Variants in KIFBP observed in about 807,000 individuals in gnomAD.
KIFBP encodes the protein kinesin family binding protein.
KIFBP carries 46 observed loss-of-function variants against 58.9 expected under a neutral mutation model. The observed-to-expected ratio is 0.78, with a 90% CI of 0.62 to 1.00. The LOEUF is 1.00. KIFBP is among the 50% of genes least tolerant of loss of function. The pLI is 0.00. For synonymous variants in KIFBP, 241 were observed against 283.4 expected (o/e 0.85, Z 1.50); for missense variants, 651 against 752.9 (o/e 0.86, Z 1.58).
At chr10:68,993,446 T>C (rs1262514594) in intron 1 of KIFBP, among the ~76,000 whole-genome samples, 2 of 152,186 alleles carry the variant, frequency 1.3e-5, no homozygotes, top group Non-Finnish European at 2.9e-5. Context: ...TTAGGTATTA[T>C]TCCTTTTAAA....
chr10:69,013,279 A>G (rs1291787162), intron 6 of KIFBP, among the ~76,000 whole-genome samples: 1 of 152,228 alleles, frequency 6.6e-6, no homozygotes, highest in Non-Finnish European at 1.5e-5. Flanking sequence ...AAAACCAAAC[A>G]AACAAACCTC....
chr10:68,991,902 G>A (rs565116087), intron 1 of KIFBP, among the ~76,000 whole-genome samples: 2 of 151,080 alleles, frequency 1.3e-5, no homozygotes, highest in East Asian at 3.9e-4. Context: ...GGTAAACCAA[G>A]TAAACTTTTT....
intron 4 of KIFBP, among the ~76,000 whole-genome samples, chr10:69,008,391 A>AAAATATATATAT: frequency 5.0e-4 from 36 of 71,590 alleles, no homozygotes; most frequent in Admixed American, 1.3e-3. Context: ...AAAAAAAAAA[A>AAAATATATATAT]ATATATATAT....
chr10:69,001,355 G>C (rs776052908), intron 2 of KIFBP, among the ~76,000 whole-genome samples: 14 of 152,112 alleles, frequency 9.2e-5, no homozygotes, highest in Non-Finnish European at 1.6e-4. Flanking sequence ...AAGCCACTGT[G>C]TTACCATCTG....
In KIFBP at chr10:69,016,129, C is replaced by G; in HGVS notation, c.1579C>G (p.Pro527Ala). ...GCTCTTCTTAGACTCCCTGAGAGAC[C>G]CAAATAAAGTATTCCCTGAGCATAT... is the stretch of plus-strand genomic sequence containing the variant. ...YQLFLDSLRD[P>A]NKVFPEHIGE... The change falls in exon 7 of 7, where the codon CCA (proline) becomes GCA (alanine). Residue 527 changes from proline to alanine, a missense_variant. By Grantham distance (27) the Pro-to-Ala change is conservative. Coordinates refer to ENST00000361983, the MANE Select transcript of KIFBP (RefSeq NM_015634.4). 1 of 1,614,110 alleles carries G rather than the reference C, an allele frequency of 6.2e-7. No individual in the cohort carries two copies. The highest frequency in any genetic ancestry group is 8.5e-7 in the Non-Finnish European group (1 of 1,180,024).
chr10:68,991,398 C>T, intron 1 of KIFBP: 1 of 342,522 alleles, frequency 2.9e-6, no homozygotes, highest in Non-Finnish European at 6.1e-6. Flanking sequence ...CTGGATATTG[C>T]AAGACAGAAT....
chr10:68,989,251 A>G lies in KIFBP; in HGVS notation c.419A>G (p.Gln140Arg), dbSNP rs529028747. ...CACGACTGCATCTCTCTCTGCATCC[A>G]GGCGCAGGTGAGAGCGAGCCCGGCC... ...LSHDCISLCI[Q>R]AQNNLGILWS... Residue 140 changes from glutamine (Q) to arginine (R), a missense_variant, in exon 1 of 7, where the codon CAG becomes CGG. Coordinates refer to ENST00000361983, the MANE Select transcript of KIFBP (RefSeq NM_015634.4). The G allele has an allele frequency of 1.1e-5, 17 of 1,613,112 alleles. No individual in the cohort carries two copies. In the East Asian group the frequency reaches 3.6e-4, roughly 34 times the overall value.
chr10:68,998,428 C>T (rs1361500056), intron 1 of KIFBP, among the ~76,000 whole-genome samples: 3 of 150,146 alleles, frequency 2.0e-5, no homozygotes, highest in Non-Finnish European at 4.4e-5. Context: ...TTCTATTGTT[C>T]ACAAAGTCCC....
chr10:69,012,665 G>T (rs549401666), intron 6 of KIFBP, among the ~76,000 whole-genome samples: 6 of 152,202 alleles, frequency 3.9e-5, no homozygotes, highest in African/African-American at 1.4e-4. Context: ...GCCAAGGTGG[G>T]TGGATCACTT....
intron 1 of KIFBP, chr10:68,991,491 TA>T: frequency 2.5e-6 from 1 of 401,808 alleles, no homozygotes; most frequent in Non-Finnish European, 5.1e-6. Context: ...GTCTCCGAAC[TA>T]AGAAATGAAT....
At chr10:69,014,441 G>A (rs1426296253) in intron 6 of KIFBP, among the ~76,000 whole-genome samples, 1 of 152,180 alleles carries the variant, frequency 6.6e-6, no homozygotes, top group Non-Finnish European at 1.5e-5. Flanking sequence ...CAGAAGGGAT[G>A]GAGCAAAGGC....
chr10:69,010,826 T>G, intron 5 of KIFBP, 74 bp from the exon 6 acceptor site: 1 of 935,334 alleles, frequency 1.1e-6, no homozygotes, highest in South Asian at 1.4e-5. Flanking sequence ...AAAAGTGATA[T>G]TAAAAAAATT....
At position 68,989,257 on chromosome 10, in the gene KIFBP, A is replaced by G. The variant is rs1290898365; in HGVS notation, c.425A>G (p.Gln142Arg). Residue 142 changes from glutamine (Q) to arginine (R), a missense_variant and splice_region_variant, in exon 1 of 7, where the codon CAG (glutamine) becomes CGG (arginine). Physicochemically the swap from Gln to Arg is conservative, Grantham distance 43. Transcript: ENST00000361983. ...TGCATCTCTCTCTGCATCCAGGCGC[A>G]GGTGAGAGCGAGCCCGGCCAGGCCG... Reference protein sequence around the residue: ...HDCISLCIQAQNNLGILWSER... With the variant: ...HDCISLCIQARNNLGILWSER... 6.2e-7 allele frequency: 1 copy of G among 1,612,826 alleles called. No individual in the cohort carries two copies. Among genetic ancestry groups the G allele is most frequent in the Non-Finnish European group, 8.5e-7 (1 of 1,179,808 alleles).
Position 69,016,190 on chromosome 10 carries a change from A to G in KIFBP, c.1640A>G (p.Lys547Arg). The change falls in exon 7 of 7, where the codon AAG (lysine) becomes AGG (arginine). Residue 547 changes from lysine to arginine, a missense_variant. By Grantham distance (26) the Lys-to-Arg change is conservative. Transcript: ENST00000361983. ...EDVLRPAMLA[K>R]FRVARLYGKI... is the part of the protein sequence containing the mutation. ...GTTCTTCGCCCTGCCATGTTAGCTA[A>G]GTTTCGAGTTGCCCGTCTCTATGGC... 2 of 1,613,438 alleles carry G rather than the reference A, an allele frequency of 1.2e-6. No individual in the cohort carries two copies. The highest frequency in any genetic ancestry group is 8.5e-7 in the Non-Finnish European group (1 of 1,179,762).
chr10:69,003,124 T>C (rs191700381), intron 2 of KIFBP, among the ~76,000 whole-genome samples: 6 of 151,814 alleles, frequency 4.0e-5, no homozygotes, highest in Admixed American at 3.9e-4. Context: ...ATAACACATA[T>C]AGTGAAATTC....
At chr10:68,995,866 T>C (rs1483437119) in intron 1 of KIFBP, among the ~76,000 whole-genome samples, 2 of 152,186 alleles carry the variant, frequency 1.3e-5, no homozygotes, top group African/African-American at 4.8e-5. Context: ...TAAAGAATAA[T>C]TCACATAAAG....
chr10:68,991,788 A>T (rs1284442246), intron 1 of KIFBP: 1 of 153,334 alleles, frequency 6.5e-6, no homozygotes, highest in African/African-American at 2.4e-5. Context: ...TCTTTGACAG[A>T]GAATGAGTTG....
At chr10:68,997,830 G>C (rs2132109166) in intron 1 of KIFBP, among the ~76,000 whole-genome samples, 1 of 152,244 alleles carries the variant, frequency 6.6e-6, no homozygotes, top group Non-Finnish European at 1.5e-5. Context: ...AGGTAGTCTA[G>C]AGACTCACCT....
intron 1 of KIFBP, among the ~76,000 whole-genome samples, chr10:68,995,047 C>G (rs1225260752): frequency 6.6e-6 from 1 of 151,898 alleles, no homozygotes; most frequent in African/African-American, 2.4e-5. Flanking sequence ...AAGACGGGGT[C>G]TGGCTCTGTC....
Sources: allele counts gnomAD v4.1 joint callset (sites outside exome capture counted in the v4.1 genomes callset), GRCh38; gene constraint gnomAD v4.1.1; transcripts MANE v1.5; gene names NCBI Gene and HGNC (gene_info 2026-07-23, HGNC 2026-07-21).